SEC11C: variants seen among roughly 807,000 people sequenced by gnomAD.
SEC11C encodes signal peptidase complex catalytic subunit SEC11C.
SEC11C carries 10 observed loss-of-function variants against 21.9 expected under a neutral mutation model. The observed-to-expected ratio is 0.46, with a 90% CI of 0.28 to 0.77. The LOEUF (loss-of-function observed/expected upper bound fraction) is 0.77. Among genes scored for constraint, SEC11C ranks in the 30% least tolerant of loss-of-function variants. The pLI, the probability that SEC11C is intolerant of heterozygous loss-of-function variation, is 0.12. For missense variants in SEC11C, 145 were observed against 244.5 expected (o/e 0.59, Z 2.71); for synonymous variants, 83 against 85.6 (o/e 0.97, Z 0.17).
rs1411287846 is a variant in SEC11C at position 59,139,984 on chromosome 18, C to G, written c.36C>G (p.Pro12=). ...VRAGAVGAHL[P]ASGLDIFGDL... is the part of the protein sequence containing the mutation. ...CGGGCGCCGTGGGGGCTCATCTCCCCGCGTCCGGCTTGGATATCTTCGGGG... is the reference window on the plus strand; with the variant it reads ...CGGGCGCCGTGGGGGCTCATCTCCCGGCGTCCGGCTTGGATATCTTCGGGG... Residue 12 remains proline (P), a synonymous_variant, in exon 1 of 6, where the codon CCC becomes CCG. Coordinates refer to ENST00000587834, the MANE Select transcript of SEC11C (RefSeq NM_033280.4). The G allele has an allele frequency of 6.3e-7, 1 of 1,594,390 alleles. No homozygotes were observed. The highest frequency in any genetic ancestry group is 8.6e-7 in the Non-Finnish European group (1 of 1,168,912).
intron 3 of SEC11C, among the ~76,000 whole-genome samples, chr18:59,153,638 C>T (rs1206648894): frequency 6.6e-6 from 1 of 152,126 alleles, no homozygotes; most frequent in Non-Finnish European, 1.5e-5. Flanking sequence ...GCAACTTCCG[C>T]CTCCCGGGTT....
At chr18:59,152,432 C>T in intron 2 of SEC11C, 104 bp from the exon 3 acceptor site, 1 of 1,280,248 alleles carries the variant, frequency 7.8e-7, no homozygotes, top group Non-Finnish European at 1.1e-6. Context: ...CGTTTTATAG[C>T]TCCTGAGACC....
rs78885010 is a variant in SEC11C at position 59,157,599 on chromosome 18, A to G, written c.468-9A>G. 6.3e-7 allele frequency: 1 copy of G among 1,596,296 alleles called. No individual in the cohort carries two copies. The highest frequency in any genetic ancestry group is 2.2e-5 in the East Asian group (1 of 44,760). ...TTTTATATCTCTTGCTTTTTATCCC[A>G]CAATTTAGGTTTTTACCATATGTTG... On this transcript the variant is annotated splice_polypyrimidine_tract_variant and intron_variant, in intron 4 of 5. Transcript: ENST00000587834.
At chr18:59,150,486 G>A (rs1449752783) in intron 2 of SEC11C, among the ~76,000 whole-genome samples, 2 of 152,232 alleles carry the variant, frequency 1.3e-5, no homozygotes, top group East Asian at 1.9e-4. Context: ...TCTAGAGATC[G>A]CGTTTTCATG....
chr18:59,153,826 C>T (rs2069387984), intron 3 of SEC11C, among the ~76,000 whole-genome samples: 1 of 152,072 alleles, frequency 6.6e-6, no homozygotes, highest in Admixed American at 6.6e-5. Context: ...CCTCCCTCAG[C>T]CTCTCAAGTA....
Position 59,146,001 on chromosome 18 carries a change from C to T in SEC11C, c.88-3512C>T, listed in dbSNP as rs140240601. 4.3e-4 allele frequency among the ~76,000 whole-genome samples: 65 copies of T among 152,294 alleles called. No individual in the cohort carries two copies. The East Asian group carries it at 0.011, about 25-fold the overall frequency. On this transcript the variant is annotated intron_variant, in intron 1 of 5. Coordinates refer to ENST00000587834, the MANE Select transcript of SEC11C (RefSeq NM_033280.4). ...TGATGTTCAAACAACAATAAAATCA[C>T]CTAACAACGCATTTTTCAGAATGTG...
chr18:59,151,215 C>T (rs1429908248), intron 2 of SEC11C, among the ~76,000 whole-genome samples: 1 of 152,180 alleles, frequency 6.6e-6, no homozygotes, highest in African/African-American at 2.4e-5. Flanking sequence ...GCTGCAGTTC[C>T]CTTAACCGTT....
rs187865687 is a variant in SEC11C at position 59,152,578 on chromosome 18, C to A, written c.240C>A (p.Phe80Leu). ...EPAFHRGDLL[F>L]LTNFREDPIR... ...CCTTTCACAGAGGAGACCTCCTGTT[C>A]CTCACAAATTTCCGGGAAGACCCAA... The change falls in exon 3 of 6, where the codon TTC (phenylalanine) becomes TTA (leucine). Residue 80 changes from phenylalanine (F) to leucine (L), a missense_variant. Coordinates refer to ENST00000587834, the MANE Select transcript of SEC11C (RefSeq NM_033280.4). 2 of 1,612,652 alleles carry A rather than the reference C, an allele frequency of 1.2e-6. No individual in the cohort carries two copies. Among genetic ancestry groups the A allele is most frequent in the African/African-American group, 2.7e-5 (2 of 74,942 alleles).
intron 1 of SEC11C, among the ~76,000 whole-genome samples, chr18:59,146,051 G>A (rs981231629): frequency 6.6e-5 from 10 of 152,174 alleles, no homozygotes; most frequent in Admixed American, 2.0e-4. Flanking sequence ...GCGCATGACC[G>A]CCCAGAGTGT....
intron 4 of SEC11C, chr18:59,156,717 A>C (rs1178386010): frequency 6.6e-6 from 1 of 152,194 alleles, no homozygotes; most frequent in Non-Finnish European, 1.5e-5. Flanking sequence ...TATCTTACCT[A>C]AATCTCACTA....
intron 3 of SEC11C, chr18:59,153,374 C>T (rs1330952946): frequency 6.6e-6 from 1 of 152,086 alleles, no homozygotes; most frequent in East Asian, 1.9e-4. Flanking sequence ...TATTCATTTA[C>T]CTTTATGCAG....
rs1256177069 is a variant in SEC11C at position 59,155,704 on chromosome 18, A to G, written c.364A>G (p.Lys122Glu). 1.9e-6 allele frequency: 3 copies of G among 1,613,636 alleles called. No individual in the cohort carries two copies. The highest frequency in any genetic ancestry group is 1.7e-6 in the Non-Finnish European group (2 of 1,179,754). Reference sequence around the variant, plus strand: ...GCTTTCCAGAGATAATGGAGACATCAAATTTCTGACTAAAGGAGATAATAA... The same window carrying G: ...GCTTTCCAGAGATAATGGAGACATCGAATTTCTGACTAAAGGAGATAATAA... The part of the protein sequence containing the change: ...KVHEKDNGDI[K>E]FLTKGDNNEV... Residue 122 changes from lysine to glutamate, a missense_variant, in exon 4 of 6, where the codon AAA becomes GAA. By Grantham distance (56) the Lys-to-Glu change is moderately conservative (BLOSUM62 1). Coordinates refer to ENST00000587834, the MANE Select transcript of SEC11C (RefSeq NM_033280.4).
intron 2 of SEC11C, among the ~76,000 whole-genome samples, chr18:59,151,766 GC>G (rs1340892148): frequency 6.6e-6 from 1 of 152,128 alleles, no homozygotes; most frequent in Non-Finnish European, 1.5e-5. Flanking sequence ...TGGTTGCACA[GC>G]CCCCGTCAAG....
At position 59,139,959 on chromosome 18, in the gene SEC11C, C is replaced by T. The variant is rs747493408; in HGVS notation, c.11C>T (p.Ala4Val). 9 of 1,586,288 alleles carry T rather than the reference C, an allele frequency of 5.7e-6. No homozygotes were observed. Among genetic ancestry groups the T allele is most frequent in the Non-Finnish European group, 7.7e-6 (9 of 1,164,816 alleles). The change falls in exon 1 of 6, where the codon GCG becomes GTG. Residue 4 changes from alanine (A) to valine (V), a missense_variant. Transcript: ENST00000587834. MVR[A>V]GAVGAHLPAS... ...CCCGGAGACCCTGCTATGGTGCGTG[C>T]GGGCGCCGTGGGGGCTCATCTCCCC...
At chr18:59,151,491 G>A (rs1249251176) in intron 2 of SEC11C, among the ~76,000 whole-genome samples, 4 of 152,104 alleles carry the variant, frequency 2.6e-5, no homozygotes, top group African/African-American at 9.7e-5. Context: ...GATTTTGAAT[G>A]CTTCATCCAT....
In SEC11C at chr18:59,143,462, A is replaced by G. The variant is rs1603376401; in HGVS notation, c.87+3427A>G. Among the ~76,000 whole-genome samples, 2 of 151,702 alleles carry G rather than the reference A, an allele frequency of 1.3e-5. 1 individual carries two copies. The highest frequency in any genetic ancestry group is 4.8e-5 in the African/African-American group (2 of 41,290). ...CATTAACAATTATCTTAATTCATTT[A>G]TGTCCTCACTTTCAGTTGTATCCTT... On this transcript the variant is annotated intron_variant, in intron 1 of 5. Transcript: ENST00000587834.
At chr18:59,149,742 G>T in intron 2 of SEC11C, 120 bp downstream of exon 2, 1 of 537,226 alleles carries the variant, frequency 1.9e-6, no homozygotes, top group Non-Finnish European at 3.4e-6. Flanking sequence ...GATTTTAATT[G>T]GATAAATTAT....
intron 4 of SEC11C, chr18:59,156,867 G>C (rs989068212): frequency 4.6e-5 from 7 of 152,224 alleles, no homozygotes; most frequent in African/African-American, 1.7e-4. Flanking sequence ...GGGGGACCAG[G>C]AGGGCTTCCA....
intron 2 of SEC11C, among the ~76,000 whole-genome samples, chr18:59,151,816 A>G (rs1434401456): frequency 1.3e-5 from 2 of 152,248 alleles, no homozygotes; most frequent in Admixed American, 1.3e-4. Flanking sequence ...TATTAAAACA[A>G]AGCATGAGCA....
Sources: gnomAD v4.1 joint callset for allele counts (sites outside exome capture counted in the v4.1 genomes callset) on GRCh38, gnomAD v4.1.1 for gene constraint, MANE v1.5 for transcripts, NCBI Gene and HGNC (gene_info 2026-07-23, HGNC 2026-07-21) for gene names.